NRG3: variants seen among roughly 807,000 people sequenced by gnomAD.
The protein encoded by NRG3 is pro-neuregulin-3, membrane-bound isoform.
NRG3 carries 31 observed loss-of-function variants against 66.9 expected under a neutral mutation model. The ratio of observed to expected loss-of-function variants is 0.46; its 90% confidence interval spans 0.35 to 0.63. The LOEUF (loss-of-function observed/expected upper bound fraction) is 0.63. Among genes scored for constraint, NRG3 ranks in the 20% least tolerant of loss-of-function variants. The pLI, the probability that NRG3 is intolerant of heterozygous loss-of-function variation, is 0.00. For synonymous variants in NRG3, 393 were observed against 359.4 expected (o/e 1.09, Z -1.06); for missense variants, 910 against 878.9 (o/e 1.04, Z -0.45).
chr10:82,278,393 T>A (rs2078960702), intron 1 of NRG3, among the ~76,000 whole-genome samples: 1 of 152,088 alleles, frequency 6.6e-6, no homozygotes, highest in Non-Finnish European at 1.5e-5. Context: ...AGGGCTCCTA[T>A]AGCTATAGGG....
At chr10:82,408,121 AAG>A (rs1491309130) in intron 2 of NRG3, among the ~76,000 whole-genome samples, 2 of 143,548 alleles carry the variant, frequency 1.4e-5, no homozygotes, top group Middle Eastern at 3.3e-3. Context: ...GAAAGAAAGA[AAG>A]AAAGAAAGAA....
At chr10:82,543,139 G>A (rs117307898) in intron 2 of NRG3, among the ~76,000 whole-genome samples, 1,686 of 152,054 alleles carry the variant, frequency 0.011, 17 homozygotes, top group Middle Eastern at 0.068. Flanking sequence ...TGGTCCACCC[G>A]ACTCAGCCTC....
In NRG3 at chr10:82,233,268, A is replaced by G. The variant is rs187427340; in HGVS notation, c.824-125471A>G. 2.8e-4 allele frequency among the ~76,000 whole-genome samples: 42 copies of G among 152,222 alleles called. No homozygotes were observed. The East Asian group carries it at 8.0e-3, about 29-fold the overall frequency. ...TAGTCCCAGCTAATGGGGAGGCTGA[A>G]GCAGGAGAATGGTGTGTACCCGGGA... On this transcript the variant is annotated intron_variant, in intron 1 of 8. Transcript: ENST00000372141.
At chr10:82,668,743 A>G (rs527333989) in intron 2 of NRG3, among the ~76,000 whole-genome samples, 1 of 152,266 alleles carries the variant, frequency 6.6e-6, no homozygotes, top group Admixed American at 6.5e-5. Flanking sequence ...AGGACTGAGT[A>G]CCTTTCATGT....
At chr10:82,297,730 A>G (rs1305408923) in intron 1 of NRG3, among the ~76,000 whole-genome samples, 1 of 152,074 alleles carries the variant, frequency 6.6e-6, no homozygotes, top group Non-Finnish European at 1.5e-5. Flanking sequence ...ATTACATTTT[A>G]TATATTAAGT....
chr10:82,474,782 A>G (rs775524390), intron 2 of NRG3, among the ~76,000 whole-genome samples: 6 of 152,148 alleles, frequency 3.9e-5, no homozygotes, highest in Non-Finnish European at 7.4e-5. Context: ...GTGAACTCCA[A>G]ATAGGATAAA....
Position 82,624,918 on chromosome 10 carries a change from T to TTTA in NRG3, c.954-113658_954-113657insTAT, listed in dbSNP as rs1565140013. ...ATAAATATAAATATATATATATATT[T>TTTA]TATATATATATATATATAAAATGTG... On this transcript the variant is annotated intron_variant, in intron 2 of 8. Transcript: ENST00000372141. Among the ~76,000 whole-genome samples the TTTA allele has an allele frequency of 1.9e-4, 28 of 144,350 alleles. No individual in the cohort carries two copies. The South Asian group carries it at 2.4e-3, about 12-fold the overall frequency. The allele number at this position is 144,350 out of a possible 152,430, so 94.7% of individuals were successfully genotyped here. A position where few individuals can be genotyped will look rare whatever the true frequency, so the allele number is the denominator to read the frequency against.
intron 1 of NRG3, among the ~76,000 whole-genome samples, chr10:82,039,350 T>A (rs1248734661): frequency 6.6e-6 from 1 of 152,128 alleles, no homozygotes; most frequent in African/African-American, 2.4e-5. Flanking sequence ...CTATTAGCCA[T>A]GAAATTCGAT....
intron 3 of NRG3, among the ~76,000 whole-genome samples, chr10:82,797,093 C>A (rs959384599): frequency 2.0e-5 from 3 of 152,096 alleles, no homozygotes; most frequent in Admixed American, 1.3e-4. Flanking sequence ...TGAAAATGAA[C>A]CTTTTTACAA....
chr10:82,203,425 CT>C (rs2074950764), intron 1 of NRG3, among the ~76,000 whole-genome samples: 1 of 152,086 alleles, frequency 6.6e-6, no homozygotes, highest in Non-Finnish European at 1.5e-5. Flanking sequence ...ATAAAAGTAG[CT>C]TGTACTCTTT....
intron 2 of NRG3, among the ~76,000 whole-genome samples, chr10:82,625,430 A>G (rs1352958322): frequency 6.6e-6 from 1 of 152,196 alleles, no homozygotes. Flanking sequence ...AGTGTAACTA[A>G]TATGCTCTTC....
intron 4 of NRG3, among the ~76,000 whole-genome samples, chr10:82,926,247 G>C (rs1410966851): frequency 1.3e-5 from 2 of 152,206 alleles, no homozygotes; most frequent in African/African-American, 4.8e-5. Flanking sequence ...AGGAATGATT[G>C]AAAGTATATA....
chr10:82,940,143 AT>A (rs1848465146), intron 4 of NRG3, among the ~76,000 whole-genome samples: 1 of 152,142 alleles, frequency 6.6e-6, no homozygotes, highest in Admixed American at 6.6e-5. Flanking sequence ...CTTGGGAAGA[AT>A]TTTCAGGCTT....
intron 3 of NRG3, among the ~76,000 whole-genome samples, chr10:82,840,711 T>C (rs139425415): frequency 6.6e-6 from 1 of 152,230 alleles, no homozygotes; most frequent in Non-Finnish European, 1.5e-5. Flanking sequence ...CTGTTCCACA[T>C]AGGGAACAGA....
chr10:82,088,231 C>T lies in NRG3; in HGVS notation c.823+212068C>T, dbSNP rs553640128. 3.9e-5 allele frequency among the ~76,000 whole-genome samples: 6 copies of T among 152,096 alleles called. No individual in the cohort carries two copies. In the East Asian group the frequency reaches 5.8e-4, roughly 15 times the overall value. On this transcript the variant is annotated intron_variant, in intron 1 of 8. Coordinates refer to ENST00000372141, the MANE Select transcript of NRG3 (RefSeq NM_001010848.4). ...TTCTTCCTTCTTAATTTCCTGCCTT[C>T]AAAGCTTCTTTCATTTCTTTTTTTA...
At chr10:82,929,733 G>A (rs1847365507) in intron 4 of NRG3, among the ~76,000 whole-genome samples, 1 of 151,980 alleles carries the variant, frequency 6.6e-6, no homozygotes, top group Non-Finnish European at 1.5e-5. Context: ...ACAAAAATTA[G>A]CCAGGCATGG....
At chr10:82,385,707 A>G (rs1369167248) in intron 2 of NRG3, among the ~76,000 whole-genome samples, 2 of 152,170 alleles carry the variant, frequency 1.3e-5, no homozygotes, top group Non-Finnish European at 2.9e-5. Flanking sequence ...TAGACAGTAA[A>G]TTGATATGAT....
At chr10:81,910,513 A>G (rs980144979) in intron 1 of NRG3, among the ~76,000 whole-genome samples, 8 of 152,184 alleles carry the variant, frequency 5.3e-5, no homozygotes, top group Admixed American at 2.6e-4. Context: ...TTTGCTTTGC[A>G]TATTTTTTAA....
intron 3 of NRG3, among the ~76,000 whole-genome samples, chr10:82,756,357 A>G (rs780778891): frequency 6.6e-5 from 10 of 152,224 alleles, no homozygotes; most frequent in Non-Finnish European, 1.2e-4. Context: ...ACAGCTTCCA[A>G]TGGCAGGCAA....
Sources: allele counts gnomAD v4.1 joint callset (sites outside exome capture counted in the v4.1 genomes callset), GRCh38; gene constraint gnomAD v4.1.1; transcripts MANE v1.5; gene names NCBI Gene and HGNC (gene_info 2026-07-23, HGNC 2026-07-21).